The following PACRG variants were observed in gnomAD, a reference collection of about 807,000 sequenced individuals.
PACRG encodes parkin coregulated gene protein.
PACRG carries 29 observed loss-of-function variants against 29.7 expected under a neutral mutation model. The observed-to-expected ratio is 0.98, with a 90% CI of 0.73 to 1.33. The LOEUF (loss-of-function observed/expected upper bound fraction) is 1.33. Among genes scored for constraint, PACRG ranks in the 40% most tolerant of loss-of-function variants. The pLI, the probability that PACRG is intolerant of heterozygous loss-of-function variation, is 0.00. For missense variants in PACRG, 279 were observed against 316.2 expected (o/e 0.88, Z 0.89); for synonymous variants, 116 against 118.7 (o/e 0.98, Z 0.15).
intron 3 of PACRG, among the ~76,000 whole-genome samples, chr6:163,065,318 C>T (rs770368428): frequency 2.0e-5 from 3 of 152,158 alleles, no homozygotes; most frequent in African/African-American, 7.2e-5. Context: ...AAGAGCAGCC[C>T]TCTTACTTGT....
intron 4 of PACRG, among the ~76,000 whole-genome samples, chr6:163,305,159 A>G (rs1785149553): frequency 6.6e-6 from 1 of 152,262 alleles, no homozygotes; most frequent in Non-Finnish European, 1.5e-5. Context: ...GAGGGCCTCC[A>G]CACCACATTC....
intron 4 of PACRG, among the ~76,000 whole-genome samples, chr6:163,275,420 T>C (rs1189414500): frequency 6.6e-6 from 1 of 152,220 alleles, no homozygotes; most frequent in Non-Finnish European, 1.5e-5. Flanking sequence ...CTGATCATTT[T>C]TGTCATCGCT....
rs148826885 is a variant in PACRG at position 163,200,942 on chromosome 6, C to A, written c.613+111534C>A. Among the ~76,000 whole-genome samples the A allele has an allele frequency of 5.7e-3, 867 of 151,844 alleles. 8 individuals carry two copies. The highest frequency in any genetic ancestry group is 0.02 in the African/African-American group (820 of 41,172). ...CCAGGCACTGGGCCGGATCAGGCCC[C>A]AGGCCCCAGGCCCCAGGCACTGGGT... On this transcript the variant is annotated intron_variant, in intron 4 of 4. Transcript: ENST00000366888.
rs112986736 is a variant in PACRG, at chr6:162,968,728, A to C, written c.292-93422A>C. ...TCAAAGAAAAGAAAGTGAGAGTCTG[A>C]AGTCATGCATAAAGCAAAATCTTCA... On this transcript the variant is annotated intron_variant, in intron 2 of 4. Transcript: ENST00000366888. Among the ~76,000 whole-genome samples, 333 of 152,268 alleles carry C rather than the reference A, an allele frequency of 2.2e-3. 1 individual carries two copies. Among genetic ancestry groups the C allele is most frequent in the Middle Eastern group, 3.4e-3 (1 of 294 alleles).
At chr6:163,054,246 C>A (rs376851491) in intron 2 of PACRG, 2 of 152,138 alleles carry the variant, frequency 1.3e-5, no homozygotes, top group Admixed American at 6.5e-5. Flanking sequence ...AATGGTGGGG[C>A]CTTAACCCAG....
chr6:163,008,876 T>C (rs947981990), intron 2 of PACRG, among the ~76,000 whole-genome samples: 1 of 152,040 alleles, frequency 6.6e-6, no homozygotes. Context: ...CCTGACCTCC[T>C]GAGGTGAAAC....
intron 2 of PACRG, among the ~76,000 whole-genome samples, chr6:163,056,854 TCTTCCATGAC>T (rs1189578230): frequency 6.6e-6 from 1 of 152,138 alleles, no homozygotes; most frequent in Non-Finnish European, 1.5e-5. Context: ...CACGCCCTCC[TCTTCCATGAC>T]CATCCCTGAG....
chr6:162,947,471 A>ATCATATATATACTCATATATATAATC (rs1491221242), intron 2 of PACRG, among the ~76,000 whole-genome samples: 1 of 12,806 alleles, frequency 7.8e-5, no homozygotes, highest in Non-Finnish European at 3.4e-4. Flanking sequence ...ATCATATATA[A>ATCATATATATACTCATATATATAATC]TATATATATA....
intron 2 of PACRG, among the ~76,000 whole-genome samples, chr6:162,984,529 T>A (rs981520106): frequency 6.6e-5 from 10 of 152,092 alleles, no homozygotes; most frequent in Non-Finnish European, 1.3e-4. Flanking sequence ...TTTGGATAGA[T>A]ACCTAGTAGT....
chr6:162,815,566 G>A (rs997849439), intron 2 of PACRG, among the ~76,000 whole-genome samples: 1 of 150,808 alleles, frequency 6.6e-6, no homozygotes, highest in African/African-American at 2.4e-5. Flanking sequence ...ATTTTGGGGG[G>A]GTGGGAAAGA....
At chr6:162,773,494 ATTTTTTTTTTTTTTTTTT>A (rs71008110) in intron 1 of PACRG, among the ~76,000 whole-genome samples, 9 of 66,024 alleles carry the variant, frequency 1.4e-4, no homozygotes, top group African/African-American at 5.9e-4. Context: ...ACAGCTTGTC[ATTTTTTTTTTTTTTTTTT>A]TTTTTTTTTT....
chr6:162,825,777 G>A (rs143917961), intron 2 of PACRG, among the ~76,000 whole-genome samples: 486 of 152,160 alleles, frequency 3.2e-3, no homozygotes, highest in Non-Finnish European at 5.3e-3. Flanking sequence ...TTTCAGGTTC[G>A]TCTCTGCAGG....
intron 4 of PACRG, among the ~76,000 whole-genome samples, chr6:163,150,992 G>A (rs950125492): frequency 6.6e-6 from 1 of 152,130 alleles, no homozygotes; most frequent in Non-Finnish European, 1.5e-5. Flanking sequence ...TCTTACTTAA[G>A]ATTGAAATAT....
intron 4 of PACRG, among the ~76,000 whole-genome samples, chr6:163,293,464 A>T (rs949821719): frequency 6.6e-6 from 1 of 152,254 alleles, no homozygotes; most frequent in South Asian, 2.1e-4. Context: ...AAGTAATCAA[A>T]GCAGCTGTAT....
chr6:163,263,165 C>T (rs747691361), intron 4 of PACRG, among the ~76,000 whole-genome samples: 1 of 143,770 alleles, frequency 7.0e-6, no homozygotes, highest in African/African-American at 2.6e-5. Flanking sequence ...ATCTTACAGA[C>T]CCCAGGAGGC....
At position 162,909,510 on chromosome 6, in the gene PACRG, G is replaced by A. The variant is rs183509275; in HGVS notation, c.291+95229G>A. ...GCGGAGCTTGCAGTGAGCCAAGATC[G>A]CGCCACTGCACTCCAGCCTGGGTGA... On this transcript the variant is annotated intron_variant, in intron 2 of 4. Coordinates refer to ENST00000366888, the MANE Select transcript of PACRG (RefSeq NM_001080379.2). 1.7e-3 allele frequency among the ~76,000 whole-genome samples: 240 copies of A among 140,810 alleles called. 2 individuals are homozygous for A. In the East Asian group the frequency reaches 0.018, roughly 10 times the overall value. The allele number at this position is 140,810 out of a possible 152,430, so 92.4% of individuals were successfully genotyped here.
chr6:163,269,482 C>G (rs1009061517), intron 4 of PACRG, among the ~76,000 whole-genome samples: 5 of 152,200 alleles, frequency 3.3e-5, no homozygotes, highest in African/African-American at 1.2e-4. Flanking sequence ...CTGCCTCTTT[C>G]TGAGACCTGG....
At chr6:163,179,126 G>C (rs1051569954) in intron 4 of PACRG, 16 of 429,684 alleles carry the variant, frequency 3.7e-5, no homozygotes, top group Non-Finnish European at 7.6e-5. Context: ...TTTCCTTTTT[G>C]GGCATGGACC....
chr6:162,868,465 A>G (rs1584594836), intron 2 of PACRG, among the ~76,000 whole-genome samples: 1 of 152,244 alleles, frequency 6.6e-6, no homozygotes, highest in Admixed American at 6.5e-5. Flanking sequence ...CAGCCGCCGC[A>G]GCACAGTGGT....
Sources: gnomAD v4.1 joint callset for allele counts (sites outside exome capture counted in the v4.1 genomes callset) on GRCh38, gnomAD v4.1.1 for gene constraint, MANE v1.5 for transcripts, NCBI Gene and HGNC (gene_info 2026-07-23, HGNC 2026-07-21) for gene names.